The following SH3PXD2A variants were observed in gnomAD, a reference collection of about 807,000 sequenced individuals.
The protein encoded by SH3PXD2A is SH3 and PX domain-containing protein 2A.
Under a neutral mutation model 115.2 loss-of-function variants are expected in SH3PXD2A, and 32 were observed. That is an observed-to-expected ratio of 0.28 (90% CI 0.21 to 0.37). The LOEUF is 0.37. SH3PXD2A is among the 10% of genes least tolerant of loss of function. The pLI is 1.00. For synonymous variants in SH3PXD2A, 610 were observed against 629.1 expected, an observed-to-expected ratio of 0.97 and a Z score of 0.45; for missense variants, 1,328 against 1,498.7, an observed-to-expected ratio of 0.89 and a Z score of 1.88.
Position 103,687,652 on chromosome 10 carries a change from C to T in SH3PXD2A, c.427+5376G>A, listed in dbSNP as rs1380618441. On this transcript the variant is annotated intron_variant, in intron 6 of 14. Coordinates refer to ENST00000369774, the MANE Select transcript of SH3PXD2A (RefSeq NM_001394015.1). ...TAACCCATCCTGCCTAGTCAATCCC[C>T]ATCATTCTATGATTGAAGCCAGATC... Among the ~76,000 whole-genome samples the T allele has an allele frequency of 3.3e-5, 5 of 152,336 alleles. No individual in the cohort carries two copies. In the East Asian group the frequency reaches 9.6e-4, roughly 29 times the overall value.
chr10:103,661,709 G>C, intron 7 of SH3PXD2A: 1 of 985,328 alleles, frequency 1.0e-6, no homozygotes, highest in Non-Finnish European at 1.2e-6. Flanking sequence ...CTTCTCCACG[G>C]CCCAGGCCCA....
chr10:103,762,319 C>T (rs182756799), intron 3 of SH3PXD2A, among the ~76,000 whole-genome samples: 31 of 152,258 alleles, frequency 2.0e-4, no homozygotes, highest in African/African-American at 7.5e-4. Flanking sequence ...TGAGCCACTG[C>T]GCCCAACATG....
At chr10:103,635,209 C>T (rs1002266354) in intron 8 of SH3PXD2A, among the ~76,000 whole-genome samples, 3 of 152,208 alleles carry the variant, frequency 2.0e-5, no homozygotes, top group Non-Finnish European at 4.4e-5. Flanking sequence ...TGCCCAGGTT[C>T]GGGGCAGCTG....
chr10:103,852,994 T>G (rs11815813), intron 1 of SH3PXD2A, among the ~76,000 whole-genome samples: 19,303 of 152,186 alleles, frequency 0.13, 2,294 homozygotes, highest in African/African-American at 0.31. Flanking sequence ...TCTTCGGGTC[T>G]CTGCCCGTTC....
chr10:103,607,486 G>A (rs1203776292), intron 13 of SH3PXD2A, among the ~76,000 whole-genome samples: 3 of 151,836 alleles, frequency 2.0e-5, no homozygotes, highest in African/African-American at 7.3e-5. Flanking sequence ...GGGAGGTGAG[G>A]AGCCCCTCTG....
chr10:103,757,842 C>T (rs1332040307), intron 3 of SH3PXD2A, among the ~76,000 whole-genome samples: 10 of 152,286 alleles, frequency 6.6e-5, no homozygotes, highest in South Asian at 2.1e-4. Flanking sequence ...TACCACAGGC[C>T]GGGAAAGAAC....
chr10:103,657,687 A>G (rs960669619), intron 8 of SH3PXD2A, among the ~76,000 whole-genome samples: 7 of 152,220 alleles, frequency 4.6e-5, no homozygotes, highest in Non-Finnish European at 8.8e-5. Flanking sequence ...GTTCTCTGGA[A>G]CAGGTTTGTC....
rs868191149 is a variant in SH3PXD2A, at chr10:103,701,590, C to T, written c.399-8534G>A. On this transcript the variant is annotated intron_variant, in intron 5 of 14. Coordinates refer to ENST00000369774, the MANE Select transcript of SH3PXD2A (RefSeq NM_001394015.1). Reference sequence around the variant, plus strand: ...ATCCATTCATCCATCCATCATCCATCCATCATGCATCCATCATCCATCCAT... The same window carrying T: ...ATCCATTCATCCATCCATCATCCATTCATCATGCATCCATCATCCATCCAT... 2.9e-3 allele frequency among the ~76,000 whole-genome samples: 441 copies of T among 149,908 alleles called. 3 individuals are homozygous for T. The highest frequency in any genetic ancestry group is 4.9e-3 in the Non-Finnish European group (332 of 67,382).
At chr10:103,777,689 C>G (rs1469244234) in intron 2 of SH3PXD2A, among the ~76,000 whole-genome samples, 1 of 152,218 alleles carries the variant, frequency 6.6e-6, no homozygotes, top group Non-Finnish European at 1.5e-5. Context: ...CAAACCTACC[C>G]CAGTGGCCTC....
intron 5 of SH3PXD2A, among the ~76,000 whole-genome samples, chr10:103,710,289 C>T (rs2038032182): frequency 6.6e-6 from 1 of 151,830 alleles, no homozygotes; most frequent in Non-Finnish European, 1.5e-5. Context: ...GCAGGAGAAT[C>T]GCTTGAGCCT....
intron 13 of SH3PXD2A, among the ~76,000 whole-genome samples, chr10:103,607,427 GC>G (rs1476883835): frequency 1.3e-5 from 2 of 151,596 alleles, no homozygotes; most frequent in Non-Finnish European, 2.9e-5. Context: ...CGCCAGGCCA[GC>G]CGCCCTGTCC....
intron 8 of SH3PXD2A, among the ~76,000 whole-genome samples, chr10:103,634,135 C>G (rs1159855561): frequency 6.6e-6 from 1 of 152,230 alleles, no homozygotes; most frequent in Non-Finnish European, 1.5e-5. Flanking sequence ...GAGTGCAGAC[C>G]CATCCTCCAT....
In SH3PXD2A at chr10:103,601,547, A is replaced by C. The variant is rs2133903759; in HGVS notation, c.*269T>G. The C allele has an allele frequency of 1.6e-3, 498 of 305,010 alleles. No homozygotes were observed. The highest frequency in any genetic ancestry group is 4.4e-3 in the Middle Eastern group (4 of 908). 18.9% of individuals were successfully genotyped at this position (305,010 alleles called of 1,614,324 possible). On this transcript the variant is annotated 3_prime_UTR_variant, in exon 15 of 15. Transcript: ENST00000369774. Reference sequence around the variant, plus strand: ...GTGAAGTCCCTATGGTGCACAGGATATCTCAGCTTTCTTGGCTCTGGGTCC... The same window carrying C: ...GTGAAGTCCCTATGGTGCACAGGATCTCTCAGCTTTCTTGGCTCTGGGTCC...
Position 103,602,686 on chromosome 10 carries a change from C to T in SH3PXD2A, c.2532G>A (p.Ser844=), listed in dbSNP as rs779767127. The T allele has an allele frequency of 1.2e-5, 19 of 1,613,986 alleles. No individual in the cohort carries two copies. The highest frequency in any genetic ancestry group is 5.0e-5 in the Admixed American group (3 of 60,008). Residue 844 remains serine, a synonymous_variant, in exon 15 of 15, where the codon TCG becomes TCA. Transcript: ENST00000369774. ...TCTGGTAGGCGCTGCATGTCATGTACGAGGTGGCTGGCCCTTCCCATTCCT... is the reference window on the plus strand; with the variant it reads ...TCTGGTAGGCGCTGCATGTCATGTATGAGGTGGCTGGCCCTTCCCATTCCT... ...TKKEWEGPAT[S]YMTCSAYQKV...
chr10:103,703,424 T>C (rs1396479600), intron 5 of SH3PXD2A, among the ~76,000 whole-genome samples: 5 of 152,232 alleles, frequency 3.3e-5, no homozygotes, highest in Non-Finnish European at 7.3e-5. Flanking sequence ...GAGGCAAGGC[T>C]GCAGACTCGG....
At chr10:103,794,041 C>T (rs1004138418) in intron 2 of SH3PXD2A, among the ~76,000 whole-genome samples, 20 of 152,148 alleles carry the variant, frequency 1.3e-4, no homozygotes, top group African/African-American at 3.4e-4. Flanking sequence ...CATAAAGCTC[C>T]GTAAGTGACA....
rs746869156 is a variant in SH3PXD2A at position 103,603,502 on chromosome 10, G to T, written c.1716C>A (p.Ser572Arg). The T allele has an allele frequency of 2.5e-6, 4 of 1,611,454 alleles. No homozygotes were observed. The highest frequency in any genetic ancestry group is 1.7e-5 in the Admixed American group (1 of 59,698). ...AFGFDSEPEL[S>R]EEPVEDRASG... ...AGGCTCTGTCCTCCACGGGCTCCTCGCTCAGCTCAGGCTCTGAGTCAAAGC... is the reference window on the plus strand; with the variant it reads ...AGGCTCTGTCCTCCACGGGCTCCTCTCTCAGCTCAGGCTCTGAGTCAAAGC... The change falls in exon 15 of 15, where the codon AGC (serine) becomes AGA (arginine). Residue 572 changes from serine to arginine, a missense_variant. Transcript: ENST00000369774.
intron 8 of SH3PXD2A, among the ~76,000 whole-genome samples, chr10:103,637,883 T>C (rs1019916337): frequency 6.6e-6 from 1 of 152,100 alleles, no homozygotes; most frequent in Non-Finnish European, 1.5e-5. Context: ...CCCTTTCCCA[T>C]GACCTCCAGG....
chr10:103,849,168 T>C (rs1278430181), intron 1 of SH3PXD2A, among the ~76,000 whole-genome samples: 1 of 151,842 alleles, frequency 6.6e-6, no homozygotes, highest in East Asian at 1.9e-4. Context: ...TTATTTTCTC[T>C]CTCACCAAGC....
Sources: gnomAD v4.1 joint callset for allele counts (sites outside exome capture counted in the v4.1 genomes callset) on GRCh38, gnomAD v4.1.1 for gene constraint, MANE v1.5 for transcripts, NCBI Gene and HGNC (gene_info 2026-07-23, HGNC 2026-07-21) for gene names.